Variants in SEMA3C observed in about 807,000 individuals in gnomAD.
SEMA3C encodes semaphorin 3C.
Under a neutral mutation model 89.4 loss-of-function variants are expected in SEMA3C, and 47 were observed. The observed-to-expected ratio is 0.53, with a 90% CI of 0.42 to 0.67. SEMA3C has a LOEUF of 0.67. Ranked by LOEUF, SEMA3C falls within the 30% of genes least tolerant of loss-of-function variation. The pLI, the probability that SEMA3C is intolerant of heterozygous loss-of-function variation, is 0.00. For missense variants in SEMA3C, 839 were observed against 929.1 expected (o/e 0.90, Z 1.26); for synonymous variants, 310 against 320.2 (o/e 0.97, Z 0.34).
At chr7:80,863,985 A>ACATGTATATCACATATATATCG (rs1203326054) in intron 2 of SEMA3C, among the ~76,000 whole-genome samples, 1 of 148,334 alleles carries the variant, frequency 6.7e-6, no homozygotes, top group African/African-American at 2.5e-5. Flanking sequence ...CACATATATC[A>ACATGTATATCACATATATATCG]CATGTATATC....
At chr7:80,917,707 G>GATAAATAAA (rs1246611256) in intron 1 of SEMA3C, among the ~76,000 whole-genome samples, 15 of 152,016 alleles carry the variant, frequency 9.9e-5, no homozygotes, top group African/African-American at 3.1e-4. Flanking sequence ...AATAAACTCA[G>GATAAATAAA]GACCATTAAA....
At chr7:80,870,144 T>C (rs1207791727) in intron 2 of SEMA3C, among the ~76,000 whole-genome samples, 2 of 152,188 alleles carry the variant, frequency 1.3e-5, no homozygotes, top group Admixed American at 1.3e-4. Flanking sequence ...GTGTGCTACA[T>C]GAGCACTCCT....
At chr7:80,855,007 C>G (rs1317730605) in intron 2 of SEMA3C, among the ~76,000 whole-genome samples, 1 of 152,032 alleles carries the variant, frequency 6.6e-6, no homozygotes, top group Non-Finnish European at 1.5e-5. Context: ...TTTGGATTTC[C>G]CTTGTCAATT....
intron 2 of SEMA3C, among the ~76,000 whole-genome samples, chr7:80,840,919 T>C (rs1790252850): frequency 6.6e-6 from 1 of 152,080 alleles, no homozygotes; most frequent in Non-Finnish European, 1.5e-5. Context: ...ACCTGAAGGA[T>C]AAAGTTGAGC....
In SEMA3C at chr7:80,744,901, T is replaced by G; in HGVS notation, c.2249A>C (p.Glu750Ala). The change falls in exon 18 of 18, where the codon GAG becomes GCG. Residue 750 changes from glutamate to alanine, a missense_variant. Coordinates refer to ENST00000265361, the MANE Select transcript of SEMA3C (RefSeq NM_006379.5). Reference sequence around the variant, plus strand: ...GACCCACATAAGAAAATATTATGACTCTGGCAACTGATTCCTCCTGTTTCT... The same window carrying G: ...GACCCACATAAGAAAATATTATGACGCTGGCAACTGATTCCTCCTGTTTCT... ...KSRNRRNQLP[E>A]S 1 of 1,614,050 alleles carries G rather than the reference T, an allele frequency of 6.2e-7. No individual in the cohort carries two copies. Among genetic ancestry groups the G allele is most frequent in the Non-Finnish European group, 8.5e-7 (1 of 1,179,934 alleles).
rs528357750 is a variant in SEMA3C at position 80,784,147 on chromosome 7, G to T, written c.1354+5159C>A. 6.6e-5 allele frequency among the ~76,000 whole-genome samples: 10 copies of T among 152,088 alleles called. No individual in the cohort carries two copies. In the East Asian group the frequency reaches 1.9e-3, roughly 29 times the overall value. On this transcript the variant is annotated intron_variant, in intron 12 of 17. Transcript: ENST00000265361. ...AAAGGAAAACTGGCAAAAATCTCTT[G>T]ACTGTGTTACACAGTCTGCTTTGAA...
intron 2 of SEMA3C, among the ~76,000 whole-genome samples, chr7:80,830,751 C>A (rs1789990785): frequency 1.3e-5 from 2 of 152,104 alleles, no homozygotes; most frequent in South Asian, 4.1e-4. Flanking sequence ...GTTACTGAGT[C>A]TCCCTAGGAA....
In SEMA3C at chr7:80,768,062, A is replaced by T. The variant is rs548111051; in HGVS notation, c.1355-2819T>A. ...ATTTGTAAGGATACAAAGTATAAGC[A>T]CATAATCTTAGAAGTTGCAAAGCAT... On this transcript the variant is annotated intron_variant, in intron 12 of 17. Transcript: ENST00000265361. Among the ~76,000 whole-genome samples, 3 of 152,378 alleles carry T rather than the reference A, an allele frequency of 2.0e-5. No homozygotes were observed. In the East Asian group the frequency reaches 5.8e-4, roughly 29 times the overall value.
chr7:80,841,289 T>C (rs977908097), intron 2 of SEMA3C, among the ~76,000 whole-genome samples: 20 of 152,256 alleles, frequency 1.3e-4, no homozygotes, highest in African/African-American at 4.8e-4. Context: ...TAAAAATATT[T>C]TGTATTCTTA....
At chr7:80,912,686 A>G (rs922353061) in intron 2 of SEMA3C, among the ~76,000 whole-genome samples, 1 of 152,222 alleles carries the variant, frequency 6.6e-6, no homozygotes, top group African/African-American at 2.4e-5. Context: ...AGAAAATGCC[A>G]TAACACACAC....
At chr7:80,761,530 T>G in intron 14 of SEMA3C, 86 bp downstream of exon 14, 2 of 733,244 alleles carry the variant, frequency 2.7e-6, no homozygotes, top group South Asian at 1.7e-5. Context: ...GTACGATAAC[T>G]AATTATTCAG....
intron 2 of SEMA3C, among the ~76,000 whole-genome samples, chr7:80,907,960 T>C (rs945154612): frequency 4.6e-5 from 7 of 152,096 alleles, no homozygotes; most frequent in African/African-American, 4.8e-5. Flanking sequence ...GGCTGTTGAA[T>C]AGTTTGTTTA....
intron 2 of SEMA3C, among the ~76,000 whole-genome samples, chr7:80,854,893 C>T (rs1790602050): frequency 6.6e-6 from 1 of 152,138 alleles, no homozygotes; most frequent in African/African-American, 2.4e-5. Context: ...AATGGAACAA[C>T]ATTGTTTCTG....
intron 4 of SEMA3C, among the ~76,000 whole-genome samples, 165 bp downstream of exon 4, chr7:80,827,260 C>G (rs1408590941): frequency 1.3e-5 from 2 of 152,028 alleles, no homozygotes; most frequent in Non-Finnish European, 2.9e-5. Context: ...ACAGAGAGCC[C>G]AAGAGTTCCA....
At position 80,887,774 on chromosome 7, in the gene SEMA3C, TAA is replaced by T; in HGVS notation, c.103+28903_103+28904del. ...AATTACCTGTCATGGGAAAAAATCT[TAA>T]AAGACTCCAAATACGTTCAACTCTT... On this transcript the variant is annotated intron_variant, in intron 2 of 17. Coordinates refer to ENST00000265361, the MANE Select transcript of SEMA3C (RefSeq NM_006379.5). 1.3e-5 allele frequency among the ~76,000 whole-genome samples: 2 copies of T among 152,270 alleles called. 1 individual carries two copies.
At chr7:80,875,253 A>G (rs1268326934) in intron 2 of SEMA3C, among the ~76,000 whole-genome samples, 1 of 152,220 alleles carries the variant, frequency 6.6e-6, no homozygotes, top group Non-Finnish European at 1.5e-5. Context: ...CCCTGCATAC[A>G]AAAGAAATAA....
At chr7:80,795,981 A>G (rs1302515487) in intron 11 of SEMA3C, among the ~76,000 whole-genome samples, 1 of 152,200 alleles carries the variant, frequency 6.6e-6, no homozygotes, top group Non-Finnish European at 1.5e-5. Context: ...CTGAGGCCTC[A>G]AACCCTGATT....
chr7:80,784,167 T>C (rs1270957878), intron 12 of SEMA3C, among the ~76,000 whole-genome samples: 1 of 152,104 alleles, frequency 6.6e-6, no homozygotes, highest in East Asian at 1.9e-4. Context: ...CACAGTCTGC[T>C]TTGAACAAAC....
chr7:80,865,655 T>C (rs906386619), intron 2 of SEMA3C, among the ~76,000 whole-genome samples: 40 of 151,470 alleles, frequency 2.6e-4, no homozygotes, highest in African/African-American at 9.7e-4. Flanking sequence ...ATTAGCCGGG[T>C]GTGGTAGTGG....
Sources: gnomAD v4.1 joint callset for allele counts (sites outside exome capture counted in the v4.1 genomes callset) on GRCh38, gnomAD v4.1.1 for gene constraint, MANE v1.5 for transcripts, NCBI Gene and HGNC (gene_info 2026-07-23, HGNC 2026-07-21) for gene names.